MALRD1: variants seen among roughly 807,000 people sequenced by gnomAD.
MALRD1 encodes the protein MAM and LDL receptor class A domain containing 1, also known as MAM and LDL-receptor class A domain-containing protein 1.
MALRD1 carries 247 observed loss-of-function variants against 242.1 expected under a neutral mutation model. The ratio of observed to expected loss-of-function variants is 1.02; its 90% CI spans 0.92 to 1.13. The LOEUF is 1.13. Among genes scored for constraint, MALRD1 ranks in the 50% most tolerant of loss-of-function variants. The pLI, the probability that MALRD1 is intolerant of heterozygous loss-of-function variation, is 0.00. For missense variants in MALRD1, 2,989 were observed against 2,533.1 expected (o/e 1.18, Z -3.86); for synonymous variants, 995 against 866.6 (o/e 1.15, Z -2.60).
chr10:19,560,573 C>G (rs1835918876), intron 32 of MALRD1, among the ~76,000 whole-genome samples: 1 of 152,114 alleles, frequency 6.6e-6, no homozygotes, highest in African/African-American at 2.4e-5. Flanking sequence ...AAATGCCCAT[C>G]AATGATAGAC....
intron 5 of MALRD1, 74 bp from the exon 6 acceptor site, chr10:19,123,418 A>G: frequency 1.2e-6 from 1 of 846,324 alleles, no homozygotes; most frequent in Non-Finnish European, 1.6e-6. Flanking sequence ...ATGAATATTA[A>G]CATTAAAGCA....
intron 39 of MALRD1, among the ~76,000 whole-genome samples, chr10:19,732,505 C>T (rs1185336928): frequency 2.6e-5 from 4 of 152,144 alleles, no homozygotes; most frequent in African/African-American, 4.8e-5. Context: ...TTAGGTGATC[C>T]GCCTTCCTTG....
chr10:19,719,967 G>T (rs957006604), intron 38 of MALRD1, among the ~76,000 whole-genome samples: 1 of 151,968 alleles, frequency 6.6e-6, no homozygotes, highest in South Asian at 2.1e-4. Context: ...TATTTTATGG[G>T]AGTGTACACT....
intron 17 of MALRD1, among the ~76,000 whole-genome samples, chr10:19,206,730 C>T (rs1218364880): frequency 3.3e-5 from 5 of 152,124 alleles, no homozygotes; most frequent in African/African-American, 7.2e-5. Flanking sequence ...TTGAGAGATG[C>T]GGTCTTTTAT....
At chr10:19,700,446 A>G (rs1833573113) in intron 38 of MALRD1, among the ~76,000 whole-genome samples, 1 of 152,208 alleles carries the variant, frequency 6.6e-6, no homozygotes, top group African/African-American at 2.4e-5. Flanking sequence ...CCATAAATTT[A>G]TGAAATTTGC....
chr10:19,467,434 G>A (rs1402900062), intron 29 of MALRD1, among the ~76,000 whole-genome samples: 1 of 143,070 alleles, frequency 7.0e-6, no homozygotes, highest in Non-Finnish European at 1.5e-5. Context: ...TTCTTACAGC[G>A]CTATCTCCAA....
intron 32 of MALRD1, among the ~76,000 whole-genome samples, chr10:19,536,656 A>G (rs1169023485): frequency 6.6e-6 from 1 of 152,084 alleles, no homozygotes; most frequent in African/African-American, 2.4e-5. Flanking sequence ...GAAAACAGAA[A>G]TCTTTTGGTG....
At chr10:19,356,833 G>A (rs1297695382) in intron 26 of MALRD1, among the ~76,000 whole-genome samples, 1 of 152,002 alleles carries the variant, frequency 6.6e-6, no homozygotes, top group African/African-American at 2.4e-5. Flanking sequence ...ACCTTGCCAG[G>A]CACGGTGGCT....
chr10:19,330,221 A>G (rs1261360582), intron 23 of MALRD1, among the ~76,000 whole-genome samples: 1 of 151,988 alleles, frequency 6.6e-6, no homozygotes, highest in East Asian at 1.9e-4. Context: ...TGAAGTCAAT[A>G]TATGAACACA....
chr10:19,699,491 C>T (rs1406912978), intron 38 of MALRD1, among the ~76,000 whole-genome samples: 1 of 152,048 alleles, frequency 6.6e-6, no homozygotes, highest in African/African-American at 2.4e-5. Flanking sequence ...GATGCCCTTC[C>T]TGGAGAGGGC....
chr10:19,623,513 A>G (rs756967324), intron 36 of MALRD1, among the ~76,000 whole-genome samples: 1 of 152,130 alleles, frequency 6.6e-6, no homozygotes, highest in Non-Finnish European at 1.5e-5. Context: ...AAATTGAAGA[A>G]CCAGGAAATA....
At chr10:19,616,869 A>G (rs186208430) in intron 36 of MALRD1, among the ~76,000 whole-genome samples, 5 of 151,892 alleles carry the variant, frequency 3.3e-5, no homozygotes, top group Non-Finnish European at 7.4e-5. Flanking sequence ...GTTTCTTGGA[A>G]CTCTTTTCTC....
chr10:19,576,607 T>A (rs1836838975), intron 33 of MALRD1, among the ~76,000 whole-genome samples: 1 of 152,224 alleles, frequency 6.6e-6, no homozygotes, highest in African/African-American at 2.4e-5. Context: ...TTAGTACACC[T>A]ACTGACTTGT....
Position 19,200,658 on chromosome 10 carries a change from T to TTTGTTTTG in MALRD1, c.1952-3068_1952-3067insGTTTTGTT, listed in dbSNP as rs1564462003. Among the ~76,000 whole-genome samples the TTTGTTTTG allele has an allele frequency of 2.2e-3, 328 of 146,750 alleles. 2 individuals are homozygous for TTTGTTTTG. Among genetic ancestry groups the TTTGTTTTG allele is most frequent in the African/African-American group, 7.9e-3 (314 of 39,606 alleles). On this transcript the variant is annotated intron_variant, in intron 14 of 39. Coordinates refer to ENST00000454679, the MANE Select transcript of MALRD1 (RefSeq NM_001142308.3). ...TCCCTGCTTGAGGTTTTTTTTTTTT[T>TTTGTTTTG]TTTTTTTTTTTTTGGCTTCTACATA...
intron 21 of MALRD1, among the ~76,000 whole-genome samples, chr10:19,315,585 T>TATTTATATATATTTA (rs1187248291): frequency 6.9e-5 from 4 of 58,252 alleles, no homozygotes; most frequent in African/African-American, 4.4e-4. Flanking sequence ...AAATTATAAA[T>TATTTATATATATTTA]TATAAATATT....
intron 26 of MALRD1, among the ~76,000 whole-genome samples, chr10:19,357,567 T>G (rs1190139878): frequency 6.6e-6 from 1 of 152,162 alleles, no homozygotes. Context: ...ACTTTATAAC[T>G]ATAAAATCTT....
intron 30 of MALRD1, among the ~76,000 whole-genome samples, chr10:19,495,696 T>C (rs959845501): frequency 6.6e-6 from 1 of 152,070 alleles, no homozygotes; most frequent in Non-Finnish European, 1.5e-5. Context: ...GCTAATGACA[T>C]GATGACAGGA....
chr10:19,623,574 G>A (rs1839505400), intron 36 of MALRD1, among the ~76,000 whole-genome samples: 1 of 152,166 alleles, frequency 6.6e-6, no homozygotes. Flanking sequence ...AGAGAAGCCA[G>A]TGCTTTAACT....
intron 13 of MALRD1, among the ~76,000 whole-genome samples, chr10:19,172,290 G>GC (rs35928574): frequency 0.097 from 14,630 of 150,112 alleles, 790 homozygotes; most frequent in East Asian, 0.18. Flanking sequence ...ACCATGAGAT[G>GC]GTCATTATTT....
Sources: gnomAD v4.1 joint callset for allele counts (sites outside exome capture counted in the v4.1 genomes callset) on GRCh38, gnomAD v4.1.1 for gene constraint, MANE v1.5 for transcripts, NCBI Gene and HGNC (gene_info 2026-07-23, HGNC 2026-07-21) for gene names.